Variants in APPL2 observed in about 807,000 individuals in gnomAD.
APPL2 encodes the protein DCC-interacting protein 13-beta.
In APPL2, 84 loss-of-function variants were observed where a neutral mutation model predicts 92.7. The observed-to-expected ratio is 0.91, with a 90% CI of 0.76 to 1.09. The LOEUF is 1.09. Ranked by LOEUF, APPL2 falls within the 50% of genes least tolerant of loss-of-function variation. The pLI, the probability that APPL2 is intolerant of heterozygous loss-of-function variation, is 0.00. For synonymous variants in APPL2, 291 were observed against 291.0 expected, an observed-to-expected ratio of 1.00 and a Z score of 0.00; for missense variants, 736 against 824.5, an observed-to-expected ratio of 0.89 and a Z score of 1.31.
rs374030510 is a variant in APPL2, at chr12:105,214,011, C to T, written c.286-2694G>A. ...GACCAGCCTGACCAACATGGAGAAACCCCGTCTCTACTAAAAATACAAAAT... is the reference window on the plus strand; with the variant it reads ...GACCAGCCTGACCAACATGGAGAAATCCCGTCTCTACTAAAAATACAAAAT... On this transcript the variant is annotated intron_variant, in intron 4 of 20. Coordinates refer to ENST00000258530, the MANE Select transcript of APPL2 (RefSeq NM_018171.5). 5.7e-3 allele frequency among the ~76,000 whole-genome samples: 860 copies of T among 152,114 alleles called. 6 individuals carry two copies. Among genetic ancestry groups the T allele is most frequent in the African/African-American group, 0.019 (798 of 41,476 alleles).
intron 11 of APPL2, 52 bp downstream of exon 11, chr12:105,197,713 G>T: frequency 6.2e-7 from 1 of 1,605,260 alleles, no homozygotes; most frequent in East Asian, 2.2e-5. Flanking sequence ...CCCTTGGAAC[G>T]GGTGGAACCA....
At chr12:105,219,464 C>A (rs1889937253) in intron 2 of APPL2, among the ~76,000 whole-genome samples, 3 of 152,178 alleles carry the variant, frequency 2.0e-5, no homozygotes. Flanking sequence ...AGGAAGTCAG[C>A]AAGTGGACAA....
chr12:105,217,724 T>C lies in APPL2; in HGVS notation c.155A>G (p.Asn52Ser). The C allele has an allele frequency of 6.2e-7, 1 of 1,613,724 alleles. No homozygotes were observed. Among genetic ancestry groups the C allele is most frequent in the Middle Eastern group, 1.6e-4 (1 of 6,062 alleles). ...QAMQRVYGAQ[N>S]EMCLATQQLS... is the part of the protein sequence containing the mutation. ...CTGTTGTGTGGCCAGGCACATCTCA[T>C]TCTGTGGAGAGAAGAGAAAAAGCAA... The change falls in exon 3 of 21, where the codon AAT becomes AGT. Residue 52 changes from asparagine to serine, a missense_variant and splice_region_variant. Coordinates refer to ENST00000258530, the MANE Select transcript of APPL2 (RefSeq NM_018171.5).
At chr12:105,233,713 G>A (rs1041557455) in intron 1 of APPL2, among the ~76,000 whole-genome samples, 3 of 152,138 alleles carry the variant, frequency 2.0e-5, no homozygotes, top group Admixed American at 1.3e-4. Flanking sequence ...CCTAGTACAG[G>A]CAAGTTGCCT....
At chr12:105,197,683 C>A in intron 11 of APPL2, 82 bp downstream of exon 11, 2 of 1,540,220 alleles carry the variant, frequency 1.3e-6, no homozygotes, top group Non-Finnish European at 1.8e-6. Flanking sequence ...AGGGCTGGCA[C>A]ATAGGAATGA....
At chr12:105,225,901 C>T (rs1054435357) in intron 2 of APPL2, among the ~76,000 whole-genome samples, 3 of 152,212 alleles carry the variant, frequency 2.0e-5, no homozygotes, top group Non-Finnish European at 4.4e-5. Context: ...CAGAAATATA[C>T]CGTGTAGTCT....
rs1888793085 is a variant in APPL2, at chr12:105,207,217, A to C, written c.475-10T>G. 1.2e-6 allele frequency: 2 copies of C among 1,608,084 alleles called. No homozygotes were observed. Among genetic ancestry groups the C allele is most frequent in the African/African-American group, 2.7e-5 (2 of 74,646 alleles). ...CGACTTCGGTCTTCACCTGGTTAAA[A>C]GGTGAAAGGAAAACTTCAAGTTGTC... On this transcript the variant is annotated splice_polypyrimidine_tract_variant and intron_variant, in intron 7 of 20. Transcript: ENST00000258530.
intron 6 of APPL2, 60 bp downstream of exon 6, chr12:105,208,098 T>G: frequency 1.2e-6 from 2 of 1,612,466 alleles, no homozygotes; most frequent in Non-Finnish European, 1.7e-6. Context: ...TCATTGGGGG[T>G]CTCCTCCCCG....
In APPL2 at chr12:105,186,649, TCG is replaced by T. The variant is rs1566056218; in HGVS notation, c.1634+1622_1634+1623del. Among the ~76,000 whole-genome samples the T allele has an allele frequency of 5.3e-4, 63 of 118,738 alleles. 1 individual carries two copies. Among genetic ancestry groups the T allele is most frequent in the Admixed American group, 1.5e-3 (15 of 10,064 alleles). 77.9% of individuals were successfully genotyped at this position (118,738 alleles called of 152,430 possible). On this transcript the variant is annotated intron_variant, in intron 17 of 20. Coordinates refer to ENST00000258530, the MANE Select transcript of APPL2 (RefSeq NM_018171.5). ...TATCATATATATCATATATATGATA[TCG>T]ATATCATATATATCATATATATGAT...
At chr12:105,209,236 T>C (rs905645833) in intron 5 of APPL2, among the ~76,000 whole-genome samples, 67 of 152,178 alleles carry the variant, frequency 4.4e-4, no homozygotes, top group African/African-American at 1.6e-3. Flanking sequence ...CACCACTGTC[T>C]AGGCAGAGGG....
At chr12:105,231,441 C>T (rs12301914) in intron 1 of APPL2, among the ~76,000 whole-genome samples, 18,139 of 152,276 alleles carry the variant, frequency 0.12, 1,226 homozygotes, top group African/African-American at 0.17. Flanking sequence ...CTTCTAGCAA[C>T]TCTCCAAGGT....
chr12:105,187,509 T>C (rs1397678737), intron 17 of APPL2, among the ~76,000 whole-genome samples: 2 of 152,246 alleles, frequency 1.3e-5, no homozygotes, highest in Non-Finnish European at 2.9e-5. Context: ...AAGCCAGGAA[T>C]AAACTGAGAC....
Position 105,208,140 on chromosome 12 carries a change from A to C in APPL2, c.415+18T>G. On this transcript the variant is annotated intron_variant, in intron 6 of 20. Transcript: ENST00000258530. The stretch of plus-strand genomic sequence containing the variant: ...TAAGCCCACACACCCACACACCAGG[A>C]ATGGAGAAGGTGCCTACCATTGCTA... The C allele has an allele frequency of 6.2e-7, 1 of 1,614,204 alleles. No individual in the cohort carries two copies. The highest frequency in any genetic ancestry group is 8.5e-7 in the Non-Finnish European group (1 of 1,180,018).
Position 105,177,249 on chromosome 12 carries a change from G to A in APPL2, c.1648C>T (p.Gln550Ter). 1.9e-6 allele frequency: 3 copies of A among 1,613,818 alleles called. No homozygotes were observed. Among genetic ancestry groups the A allele is most frequent in the Non-Finnish European group, 2.5e-6 (3 of 1,179,706 alleles). Residue 550 changes from glutamine (Q) to a stop codon, truncating the protein, a stop_gained, in exon 18 of 21, where the codon CAG becomes TAG. Coordinates refer to ENST00000258530, the MANE Select transcript of APPL2 (RefSeq NM_018171.5). LOFTEE classifies it high-confidence loss of function. ...TSQSLRLIDP[Q>*]TQVSRANFEL... ...ACATTGGCCCTTGATACTTGAGTCT[G>A]TGGATCTATCAACCTGAAATTTTAA...
chr12:105,232,763 CAAAAA>C (rs55939711), intron 1 of APPL2, among the ~76,000 whole-genome samples: 1 of 78,016 alleles, frequency 1.3e-5, no homozygotes, highest in Non-Finnish European at 2.5e-5. Context: ...GACCCTGTCT[CAAAAA>C]AAAAAAAAAA....
chr12:105,194,641 G>A (rs1887484066), intron 14 of APPL2, among the ~76,000 whole-genome samples: 1 of 151,866 alleles, frequency 6.6e-6, no homozygotes, highest in African/African-American at 2.4e-5. Context: ...CAGTGAGCCG[G>A]GATTACTCCA....
chr12:105,229,237 A>C lies in APPL2; in HGVS notation c.55-14T>G, dbSNP rs1355495259. 1 of 1,608,138 alleles carries C rather than the reference A, an allele frequency of 6.2e-7. No individual in the cohort carries two copies. Among genetic ancestry groups the C allele is most frequent in the Non-Finnish European group, 8.5e-7 (1 of 1,176,602 alleles). ...TAAAGAGCGAGTCTGGAAGAAAAGA[A>C]GAAAAAAGGTCAATTTCATTTCTAA... On this transcript the variant is annotated splice_polypyrimidine_tract_variant and intron_variant, in intron 1 of 20. Coordinates refer to ENST00000258530, the MANE Select transcript of APPL2 (RefSeq NM_018171.5).
At chr12:105,204,029 A>G (rs1483265297) in intron 8 of APPL2, among the ~76,000 whole-genome samples, 1 of 152,174 alleles carries the variant, frequency 6.6e-6, no homozygotes, top group Non-Finnish European at 1.5e-5. Flanking sequence ...CCTGTCTAAT[A>G]TTCACTTCCC....
intron 2 of APPL2, among the ~76,000 whole-genome samples, chr12:105,223,819 C>T (rs552117407): frequency 6.6e-6 from 1 of 152,302 alleles, no homozygotes; most frequent in South Asian, 2.1e-4. Flanking sequence ...ACTCTGTGAG[C>T]AGAGACTGAT....
Sources: gnomAD v4.1 joint callset for allele counts (sites outside exome capture counted in the v4.1 genomes callset) on GRCh38, gnomAD v4.1.1 for gene constraint, MANE v1.5 for transcripts, NCBI Gene and HGNC (gene_info 2026-07-23, HGNC 2026-07-21) for gene names.